The following ZMYM2 variants were observed in gnomAD, a reference collection of about 807,000 sequenced individuals.
ZMYM2 encodes the protein zinc finger MYM-type containing 2.
Under a neutral mutation model 162.8 loss-of-function variants are expected in ZMYM2, and 56 were observed. That is an observed-to-expected ratio of 0.34 (90% CI 0.28 to 0.43). ZMYM2 has a LOEUF of 0.43. Ranked by LOEUF, ZMYM2 falls within the 20% of genes least tolerant of loss-of-function variation. The pLI, the probability that ZMYM2 is intolerant of heterozygous loss-of-function variation, is 1.00. For synonymous variants in ZMYM2, 510 were observed against 541.6 expected (o/e 0.94, Z 0.81); for missense variants, 1,275 against 1,621.8 (o/e 0.79, Z 3.67).
the ZMYM2 span, among the ~76,000 whole-genome samples, chr13:19,883,977 A>G: frequency 6.6e-6 from 1 of 151,966 alleles, no homozygotes; most frequent in African/African-American, 2.4e-5. Flanking sequence ...GAATGGTCTC[A>G]AACTCTTCAC....
chr13:20,051,331 T>G (rs979203614), intron 12 of ZMYM2, 102 bp from the exon 13 acceptor site: 15 of 1,162,802 alleles, frequency 1.3e-5, no homozygotes, highest in African/African-American at 3.2e-5. Flanking sequence ...ACTTTTTCTG[T>G]ATCAGTCACG....
chr13:19,971,489 C>T (rs1229511474), intron 2 of ZMYM2, among the ~76,000 whole-genome samples: 1 of 151,314 alleles, frequency 6.6e-6, no homozygotes, highest in South Asian at 2.1e-4. Context: ...AGGCTGGTCT[C>T]GAACTCCTGA....
Position 19,993,292 on chromosome 13 carries a change from C to T in ZMYM2, c.220C>T (p.Pro74Ser). 6.2e-7 allele frequency: 1 copy of T among 1,613,876 alleles called. No individual in the cohort carries two copies. Among genetic ancestry groups the T allele is most frequent in the Non-Finnish European group, 8.5e-7 (1 of 1,179,874 alleles). Reference sequence around the variant, plus strand: ...TGTACAACCTCCCCCACCTTCTGTACCAGTGGTAGCTGATCAAAGAACCAT... The same window carrying T: ...TGTACAACCTCCCCCACCTTCTGTATCAGTGGTAGCTGATCAAAGAACCAT... ...EPVQPPPPSVPVVADQRTITF... is the reference protein window; with the variant it reads ...EPVQPPPPSVSVVADQRTITF... Residue 74 changes from proline (P) to serine (S), a missense_variant, in exon 3 of 25, where the codon CCA becomes TCA. Physicochemically the swap from Pro to Ser is moderately conservative, Grantham distance 74 (BLOSUM62 -1). This residue lies in a region of ZMYM2 where 295 missense variants were observed against 286.7 expected (regional missense o/e 1.03). Coordinates refer to ENST00000610343, the MANE Select transcript of ZMYM2 (RefSeq NM_197968.4).
At chr13:19,870,542 T>C in the ZMYM2 span, among the ~76,000 whole-genome samples, 591 of 84,844 alleles carry the variant, frequency 7.0e-3, 3 homozygotes, top group African/African-American at 0.018. Context: ...TCTTTCTCTT[T>C]CTTTCTTTCT....
At chr13:20,074,282 A>G (rs1200697123) in intron 21 of ZMYM2, among the ~76,000 whole-genome samples, 1 of 151,278 alleles carries the variant, frequency 6.6e-6, no homozygotes, top group Non-Finnish European at 1.5e-5. Flanking sequence ...CCCAGGCTGG[A>G]GTCCAGTGGC....
chr13:19,883,921 T>C, the ZMYM2 span, among the ~76,000 whole-genome samples: 7 of 152,170 alleles, frequency 4.6e-5, no homozygotes, highest in African/African-American at 7.2e-5. Context: ...CACATCTGGC[T>C]AATTTCTGTA....
chr13:19,912,118 G>T, the ZMYM2 span, among the ~76,000 whole-genome samples: 3 of 152,138 alleles, frequency 2.0e-5, no homozygotes, highest in Non-Finnish European at 4.4e-5. Context: ...CCTGGTAACT[G>T]GTATGCAGCT....
At chr13:19,935,511 A>G in the ZMYM2 span, among the ~76,000 whole-genome samples, 4 of 152,354 alleles carry the variant, frequency 2.6e-5, no homozygotes, top group East Asian at 5.8e-4. Flanking sequence ...CAATCACACC[A>G]ATAGTGCAAA....
chr13:19,967,654 G>A (rs934620930), intron 2 of ZMYM2, among the ~76,000 whole-genome samples: 2 of 152,130 alleles, frequency 1.3e-5, no homozygotes, highest in Non-Finnish European at 2.9e-5. Context: ...ACCAGTTTGC[G>A]ATATCAGGCA....
the ZMYM2 span, chr13:19,865,121 C>T: frequency 6.6e-6 from 1 of 152,176 alleles, no homozygotes; most frequent in Admixed American, 6.5e-5. Flanking sequence ...AGACGTTAAC[C>T]ATCTAATGCA....
chr13:20,035,592 C>T (rs986965162), intron 11 of ZMYM2, among the ~76,000 whole-genome samples: 1 of 152,070 alleles, frequency 6.6e-6, no homozygotes, highest in African/African-American at 2.4e-5. Context: ...AATTGTCTAC[C>T]ATTTGGATTA....
At chr13:20,034,752 A>T (rs77423643) in intron 11 of ZMYM2, among the ~76,000 whole-genome samples, 3,356 of 152,294 alleles carry the variant, frequency 0.022, 43 homozygotes, top group Middle Eastern at 0.058. Context: ...TGCCCAGCTT[A>T]CTACCTAACC....
At chr13:19,977,815 G>A (rs1956925359) in intron 2 of ZMYM2, among the ~76,000 whole-genome samples, 2 of 150,016 alleles carry the variant, frequency 1.3e-5, no homozygotes, top group Admixed American at 6.7e-5. Context: ...TTCTATTATT[G>A]CTTTTTATGT....
At chr13:19,939,134 G>A in the ZMYM2 span, among the ~76,000 whole-genome samples, 5 of 148,476 alleles carry the variant, frequency 3.4e-5, no homozygotes, top group Non-Finnish European at 7.4e-5. Flanking sequence ...AGTGATTCTC[G>A]TGCCTCAGGC....
chr13:19,879,627 A>G, the ZMYM2 span, among the ~76,000 whole-genome samples: 1 of 152,196 alleles, frequency 6.6e-6, no homozygotes, highest in Admixed American at 6.6e-5. Flanking sequence ...GCTATTCAGC[A>G]TCCCTTGAGA....
intron 11 of ZMYM2, among the ~76,000 whole-genome samples, chr13:20,035,459 C>G (rs1594494504): frequency 6.6e-6 from 1 of 152,268 alleles, no homozygotes; most frequent in Middle Eastern, 3.4e-3. Flanking sequence ...AATGACAAAT[C>G]TTACAATGTT....
At chr13:20,063,845 T>C (rs866537792) in intron 18 of ZMYM2, among the ~76,000 whole-genome samples, 3 of 146,254 alleles carry the variant, frequency 2.1e-5, no homozygotes, top group African/African-American at 7.4e-5. Flanking sequence ...ATATATTATA[T>C]ACATCATGAT....
chr13:20,043,119 A>C (rs1200559826), intron 12 of ZMYM2, among the ~76,000 whole-genome samples: 1 of 152,066 alleles, frequency 6.6e-6, no homozygotes, highest in East Asian at 1.9e-4. Context: ...GGAAGGTTTT[A>C]AGGGACCGGT....
intron 21 of ZMYM2, among the ~76,000 whole-genome samples, chr13:20,078,252 A>G (rs1957653935): frequency 1.3e-5 from 2 of 152,176 alleles, no homozygotes; most frequent in African/African-American, 2.4e-5. Context: ...TTAATGGTGG[A>G]TTATTTTATA....
Sources: gnomAD v4.1 joint callset for allele counts (sites outside exome capture counted in the v4.1 genomes callset) on GRCh38, gnomAD v4.1.1 for gene constraint, gnomAD v4.1.1 regional missense constraint, MANE v1.5 for transcripts, NCBI Gene and HGNC (gene_info 2026-07-23, HGNC 2026-07-21) for gene names.